Variants in CPEB1 observed in about 807,000 individuals in gnomAD.
The protein encoded by CPEB1 is cytoplasmic polyadenylation element binding protein 1.
In CPEB1, 7 loss-of-function variants were observed where a neutral mutation model predicts 65.8. The observed-to-expected ratio is 0.11, with a 90% confidence interval of 0.06 to 0.20. The LOEUF (loss-of-function observed/expected upper bound fraction) is 0.20. Ranked by LOEUF, CPEB1 falls within the 10% of genes least tolerant of loss-of-function variation. The probability of loss-of-function intolerance (pLI) is 1.00; values close to 1 mark genes in which losing one functional copy is unlikely to be tolerated. For synonymous variants in CPEB1, 262 were observed against 260.0 expected (o/e 1.01, Z -0.08); for missense variants, 551 against 712.2 (o/e 0.77, Z 2.58).
chr15:82,613,807 C>G (rs995370713), intron 3 of CPEB1, among the ~76,000 whole-genome samples: 2 of 152,146 alleles, frequency 1.3e-5, no homozygotes, highest in Non-Finnish European at 2.9e-5. Context: ...ACAAGCTCCC[C>G]CCGGGGAGAG....
At chr15:82,580,484 T>C (rs1043403132) in intron 3 of CPEB1, among the ~76,000 whole-genome samples, 3 of 152,180 alleles carry the variant, frequency 2.0e-5, no homozygotes, top group African/African-American at 7.2e-5. Flanking sequence ...AAGTTAAATA[T>C]GCAAGGGGTA....
intron 3 of CPEB1, among the ~76,000 whole-genome samples, chr15:82,598,117 T>C (rs372015989): frequency 8.5e-5 from 13 of 152,206 alleles, no homozygotes; most frequent in African/African-American, 3.1e-4. Context: ...TTTCCCATCC[T>C]GAGAGCAGGC....
chr15:82,552,056 C>G (rs2036354834), intron 9 of CPEB1, among the ~76,000 whole-genome samples: 1 of 152,186 alleles, frequency 6.6e-6, no homozygotes, highest in Admixed American at 6.5e-5. Flanking sequence ...AATTCACCCC[C>G]ACAGACTGGG....
intron 1 of CPEB1, among the ~76,000 whole-genome samples, chr15:82,642,559 TA>T (rs1424491944): frequency 2.0e-5 from 3 of 152,070 alleles, no homozygotes; most frequent in Non-Finnish European, 4.4e-5. Context: ...AAAAAAACCT[TA>T]ATAATAAAAT....
rs1460541260 is a variant in CPEB1 at position 82,546,379 on chromosome 15, A to T, written c.1656+62T>A. ...CAAAGTGCTGGGATTACAGGTGTGA[A>T]CCACCGCGCCCAGCCAACAATTTTT... is the stretch of plus-strand genomic sequence containing the variant. On this transcript the variant is annotated intron_variant, in intron 12 of 12. Transcript: ENST00000684509. 2.2e-6 allele frequency: 3 copies of T among 1,378,892 alleles called. No individual in the cohort carries two copies. In the Admixed American group the frequency reaches 5.1e-5, roughly 23 times the overall value. 85.4% of individuals were successfully genotyped at this position (1,378,892 alleles called of 1,614,324 possible). A position where few individuals can be genotyped will look rare whatever the true frequency, so the allele number is the denominator to read the frequency against.
At chr15:82,647,948 T>A, upstream of CPEB1, 1 of 1,151,152 alleles carries the variant, frequency 8.7e-7, no homozygotes, top group Non-Finnish European at 1.1e-6. Context: ...ACGTGGGCAC[T>A]ATTTTTGCAG....
At chr15:82,617,474 G>A (rs1383813491) in intron 3 of CPEB1, among the ~76,000 whole-genome samples, 1 of 152,134 alleles carries the variant, frequency 6.6e-6, no homozygotes, top group Non-Finnish European at 1.5e-5. Context: ...CCACAGTCTG[G>A]AGGAGCCCAC....
chr15:82,556,336 A>G, intron 5 of CPEB1: 1 of 527,904 alleles, frequency 1.9e-6, no homozygotes, highest in South Asian at 2.8e-5. Context: ...CCATATTGCC[A>G]GTCTTTATAA....
Position 82,595,265 on chromosome 15 carries a change from G to A in CPEB1, c.272-23733C>T, listed in dbSNP as rs1267973990. 4.6e-5 allele frequency among the ~76,000 whole-genome samples: 7 copies of A among 152,158 alleles called. 1 individual carries two copies. Among genetic ancestry groups the A allele is most frequent in the Admixed American group, 1.3e-4 (2 of 15,282 alleles). ...TTTCCACATTTGGGATATTATGAAC[G>A]ACACTGTTACAAATGCCCACCTATA... On this transcript the variant is annotated intron_variant, in intron 3 of 12. Transcript: ENST00000684509.
intron 3 of CPEB1, among the ~76,000 whole-genome samples, chr15:82,603,920 A>T (rs1190508818): frequency 2.0e-5 from 3 of 152,214 alleles, no homozygotes; most frequent in Admixed American, 1.3e-4. Flanking sequence ...TTCAAGACAA[A>T]ATTTATAAGA....
At chr15:82,590,671 C>A (rs2042181692) in intron 3 of CPEB1, among the ~76,000 whole-genome samples, 1 of 152,194 alleles carries the variant, frequency 6.6e-6, no homozygotes, top group Non-Finnish European at 1.5e-5. Context: ...CTCAAATGGG[C>A]ACCCAACACC....
chr15:82,550,506 T>C (rs953464318), intron 9 of CPEB1, among the ~76,000 whole-genome samples: 5 of 152,102 alleles, frequency 3.3e-5, no homozygotes, highest in African/African-American at 7.2e-5. Flanking sequence ...ATAAGCAGGA[T>C]GGGCAAGCAA....
At chr15:82,581,401 T>C (rs1336496107) in intron 3 of CPEB1, among the ~76,000 whole-genome samples, 2 of 152,250 alleles carry the variant, frequency 1.3e-5, no homozygotes, top group Admixed American at 1.3e-4. Context: ...ATAGTACTGT[T>C]ATGAACACTA....
intron 3 of CPEB1, among the ~76,000 whole-genome samples, chr15:82,614,032 G>A (rs1173712986): frequency 6.6e-6 from 1 of 152,084 alleles, no homozygotes; most frequent in African/African-American, 2.4e-5. Context: ...CACCGGGAGA[G>A]AGACACACAC....
intron 3 of CPEB1, among the ~76,000 whole-genome samples, chr15:82,607,204 CTT>C (rs1359908917): frequency 6.6e-6 from 1 of 152,084 alleles, no homozygotes; most frequent in African/African-American, 2.4e-5. Flanking sequence ...GGATCAAACT[CTT>C]GAATAAATGA....
At chr15:82,597,191 T>C (rs898580106) in intron 3 of CPEB1, among the ~76,000 whole-genome samples, 1 of 152,098 alleles carries the variant, frequency 6.6e-6, no homozygotes, top group Non-Finnish European at 1.5e-5. Context: ...GAGGGTGTAG[T>C]GGCACATGCT....
intron 1 of CPEB1, among the ~76,000 whole-genome samples, chr15:82,644,137 G>A (rs2047311777): frequency 6.6e-6 from 1 of 152,154 alleles, no homozygotes; most frequent in South Asian, 2.1e-4. Context: ...TGGAATGATA[G>A]ACACAGCACA....
chr15:82,549,794 A>G (rs1012173519), intron 9 of CPEB1, 136 bp from the exon 10 acceptor site: 12 of 787,450 alleles, frequency 1.5e-5, no homozygotes, highest in Non-Finnish European at 2.5e-5. Context: ...GCTGTTGCCC[A>G]ATCTCAGGCA....
chr15:82,615,060 G>A (rs976113249), intron 3 of CPEB1, among the ~76,000 whole-genome samples: 1 of 152,132 alleles, frequency 6.6e-6, no homozygotes, highest in African/African-American at 2.4e-5. Context: ...CTACCTATGT[G>A]TCTAAAGAGG....
Sources: gnomAD v4.1 joint callset for allele counts (sites outside exome capture counted in the v4.1 genomes callset) on GRCh38, gnomAD v4.1.1 for gene constraint, MANE v1.5 for transcripts, NCBI Gene and HGNC (gene_info 2026-07-23, HGNC 2026-07-21) for gene names.